Variants in BNIPL observed in about 807,000 individuals in gnomAD.
BNIPL encodes the protein bcl-2/adenovirus E1B 19 kDa-interacting protein 2-like protein.
In BNIPL, 33 loss-of-function variants were observed where a neutral mutation model predicts 47.0. That is an observed-to-expected ratio of 0.70 (90% CI 0.53 to 0.94). BNIPL has a LOEUF of 0.94. BNIPL is among the 40% of genes least tolerant of loss of function. BNIPL has a pLI of 0.00. For missense variants in BNIPL, 404 were observed against 445.2 expected (o/e 0.91, Z 0.83); for synonymous variants, 145 against 162.7 (o/e 0.89, Z 0.83).
intron 2 of BNIPL, 109 bp from the exon 3 acceptor site, chr1:151,038,395 A>G: frequency 1.2e-6 from 1 of 830,728 alleles, no homozygotes; most frequent in Non-Finnish European, 2.0e-6. Context: ...TAAAAAAAAA[A>G]GCAGCATAGG....
chr1:151,037,500 C>T (rs958606536), intron 1 of BNIPL, 67 bp from the exon 2 acceptor site: 1 of 1,537,198 alleles, frequency 6.5e-7, no homozygotes, highest in African/African-American at 1.4e-5. Context: ...AATTACTGTT[C>T]TTCATTTCAA....
chr1:151,043,285 C>T, intron 5 of BNIPL, 47 bp from the exon 6 acceptor site: 1 of 1,506,732 alleles, frequency 6.6e-7, no homozygotes, highest in South Asian at 1.1e-5. Flanking sequence ...TACTATCTGT[C>T]AATACATATT....
At chr1:151,043,948 G>A (rs1241631552) in intron 7 of BNIPL, among the ~76,000 whole-genome samples, 2 of 152,094 alleles carry the variant, frequency 1.3e-5, no homozygotes, top group African/African-American at 4.8e-5. Flanking sequence ...CTTTGGACAA[G>A]TCACTTAACC....
At chr1:151,043,244 G>A in intron 5 of BNIPL, 88 bp from the exon 6 acceptor site, 1 of 1,512,550 alleles carries the variant, frequency 6.6e-7, no homozygotes, top group Non-Finnish European at 9.2e-7. Context: ...AACTTCCAGA[G>A]ACCCTCAGAG....
intron 7 of BNIPL, among the ~76,000 whole-genome samples, chr1:151,044,643 C>A (rs1240026353): frequency 6.6e-6 from 1 of 151,852 alleles, no homozygotes; most frequent in Non-Finnish European, 1.5e-5. Flanking sequence ...TTGTTAGAGA[C>A]AGGGTTTTGC....
intron 1 of BNIPL, among the ~76,000 whole-genome samples, chr1:151,037,093 G>C (rs774608236): frequency 6.6e-6 from 1 of 152,150 alleles, no homozygotes; most frequent in Non-Finnish European, 1.5e-5. Flanking sequence ...AACCAGAACC[G>C]AGTTTAGGTC....
rs1676049556 is a variant in BNIPL at position 151,046,959 on chromosome 1, T to G, written c.*272T>G. 1.4e-5 allele frequency: 4 copies of G among 293,232 alleles called. No homozygotes were observed. The highest frequency in any genetic ancestry group is 2.5e-5 in the Non-Finnish European group (4 of 158,584). 18.2% of individuals were successfully genotyped at this position (293,232 alleles called of 1,614,324 possible). Reference sequence around the variant, plus strand: ...GTATGGGATATGCAGAGCTCTGGGTTTTTTTGTTTTTTGTTTTTTGAGACG... The same window carrying G: ...GTATGGGATATGCAGAGCTCTGGGTGTTTTTGTTTTTTGTTTTTTGAGACG... On this transcript the variant is annotated 3_prime_UTR_variant, in exon 10 of 10. Transcript: ENST00000368931.
intron 4 of BNIPL, among the ~76,000 whole-genome samples, chr1:151,041,618 C>A (rs896075817): frequency 1.3e-5 from 2 of 152,052 alleles, no homozygotes; most frequent in Non-Finnish European, 2.9e-5. Flanking sequence ...ACAACAACAA[C>A]AACAATAATA....
chr1:151,047,052 C>CG lies in BNIPL; in HGVS notation c.*367dup. 6.0e-6 allele frequency: 1 copy of CG among 165,380 alleles called. No individual in the cohort carries two copies. The highest frequency in any genetic ancestry group is 1.3e-5 in the Non-Finnish European group (1 of 76,422). 10.2% of individuals were successfully genotyped at this position (165,380 alleles called of 1,614,324 possible). A position where few individuals can be genotyped will look rare whatever the true frequency, so the allele number is the denominator to read the frequency against. ...TCGGCTCACTGCAACCTCCGCCTCC[C>CG]GGTTCAAGCCATTCTTCTGCCTCAG... On this transcript the variant is annotated 3_prime_UTR_variant, in exon 10 of 10. Coordinates refer to ENST00000368931, the MANE Select transcript of BNIPL (RefSeq NM_138278.4).
Position 151,036,655 on chromosome 1 carries a change from T to A in BNIPL, c.-71T>A, listed in dbSNP as rs1675606430. On this transcript the variant is annotated 5_prime_UTR_variant, in exon 1 of 10. Transcript: ENST00000368931. ...AGACAGAAAAGAGGTAAGGAAGTGT[T>A]GGGGGCTGGGACAACCAGCTCCCCA... 7.2e-7 allele frequency: 1 copy of A among 1,382,814 alleles called. No individual in the cohort carries two copies. The allele number at this position is 1,382,814 out of a possible 1,614,324, so 85.7% of individuals were successfully genotyped here. A position where few individuals can be genotyped will look rare whatever the true frequency, so the allele number is the denominator to read the frequency against.
rs755536220 is a variant in BNIPL, at chr1:151,038,943, G to T, written c.350G>T (p.Gly117Val). 2.6e-5 allele frequency: 42 copies of T among 1,613,758 alleles called. No individual in the cohort carries two copies. The South Asian group carries it at 4.2e-4, about 16-fold the overall frequency. ...CAGTCTGCACCTTCCTCTCCTGATG[G>T]CAGTTCTGACCTGGAGATAGACGAA... ...PTQSAPSSPDGSSDLEIDELE... is the reference protein window; with the variant it reads ...PTQSAPSSPDVSSDLEIDELE... The change falls in exon 4 of 10, where the codon GGC becomes GTC. Residue 117 changes from glycine to valine, a missense_variant. Physicochemically the swap from Gly to Val is moderately radical, Grantham distance 109 (BLOSUM62 -3). Transcript: ENST00000368931.
chr1:151,044,788 T>C, intron 7 of BNIPL: 2 of 1,259,376 alleles, frequency 1.6e-6, no homozygotes, highest in Non-Finnish European at 2.0e-6. Context: ...GTTTTTTTTT[T>C]TTCCCCTTTT....
rs771552857 is a variant in BNIPL at position 151,037,568 on chromosome 1, G to C, written c.43G>C (p.Val15Leu). Residue 15 changes from valine (V) to leucine (L), a missense_variant and splice_region_variant, in exon 2 of 10, where the codon GTC becomes CTC. By Grantham distance (32) the Val-to-Leu change is conservative. Transcript: ENST00000368931. ...QEAGKKTDVG[V>L]REIAEAPELG... ...TTTTCTTCTTGGGGGCTGTCTTAGGGTCAGGGAGATTGCAGAAGCACCAGA... is the reference window on the plus strand; with the variant it reads ...TTTTCTTCTTGGGGGCTGTCTTAGGCTCAGGGAGATTGCAGAAGCACCAGA... 1 of 1,603,378 alleles carries C rather than the reference G, an allele frequency of 6.2e-7. No homozygotes were observed. The highest frequency in any genetic ancestry group is 1.1e-5 in the South Asian group (1 of 89,216).
chr1:151,038,599 C>G lies in BNIPL; in HGVS notation c.202+31C>G, dbSNP rs150334158. ...TCAAGTAGAAACCAGGCCTCAAGTT[C>G]TTGATTCTAGTCCAGTAAAGGGCTA... On this transcript the variant is annotated intron_variant, in intron 3 of 9. Coordinates refer to ENST00000368931, the MANE Select transcript of BNIPL (RefSeq NM_138278.4). The G allele has an allele frequency of 2.5e-6, 4 of 1,607,708 alleles. No homozygotes were observed. In the South Asian group the frequency reaches 3.3e-5, roughly 13 times the overall value.
chr1:151,043,530 C>T, intron 6 of BNIPL, 66 bp from the exon 7 acceptor site: 1 of 1,555,712 alleles, frequency 6.4e-7, no homozygotes, highest in Non-Finnish European at 8.9e-7. Context: ...GGAGAGTCTA[C>T]AGTAATGTTC....
In BNIPL at chr1:151,047,639, C is replaced by T; in HGVS notation, c.*952C>T. On this transcript the variant is annotated 3_prime_UTR_variant, in exon 10 of 10. Coordinates refer to ENST00000368931, the MANE Select transcript of BNIPL (RefSeq NM_138278.4). ...TTTCACCACCCCTTGCATCCCAAACCTTCGGTTCTGGCAGAGTTCTTGCCG... is the reference window on the plus strand; with the variant it reads ...TTTCACCACCCCTTGCATCCCAAACTTTCGGTTCTGGCAGAGTTCTTGCCG... 1.3e-6 allele frequency: 1 copy of T among 750,328 alleles called. No homozygotes were observed. The highest frequency in any genetic ancestry group is 2.0e-6 in the Non-Finnish European group (1 of 497,464). The allele number at this position is 750,328 out of a possible 1,614,324, so 46.5% of individuals were successfully genotyped here.
At chr1:151,046,316 C>A in intron 9 of BNIPL, 151 bp downstream of exon 9, 1 of 1,260,460 alleles carries the variant, frequency 7.9e-7, no homozygotes, top group Middle Eastern at 2.2e-4. Flanking sequence ...CTGCACACAC[C>A]CAGAGAAGAA....
At chr1:151,036,827 C>T in intron 1 of BNIPL, 61 bp downstream of exon 1, 1 of 1,488,288 alleles carries the variant, frequency 6.7e-7, no homozygotes, top group Non-Finnish European at 9.4e-7. Context: ...GAGAGACTTC[C>T]CCACCACCCA....
At chr1:151,037,340 TATG>T in intron 1 of BNIPL, 1 of 1,246,118 alleles carries the variant, frequency 8.0e-7, no homozygotes, top group Non-Finnish European at 1.0e-6. Context: ...CAGAGGTAAA[TATG>T]ATTAACTTTA....
Sources: gnomAD v4.1 joint callset for allele counts (sites outside exome capture counted in the v4.1 genomes callset) on GRCh38, gnomAD v4.1.1 for gene constraint, MANE v1.5 for transcripts, NCBI Gene and HGNC (gene_info 2026-07-23, HGNC 2026-07-21) for gene names.